Variants in CELF2 observed in about 807,000 individuals in gnomAD.
The protein encoded by CELF2 is CUG triplet repeat RNA-binding protein 2.
A neutral mutation model predicts 62.6 loss-of-function variants in CELF2; 8 were observed. The observed-to-expected ratio is 0.13, with a 90% CI of 0.07 to 0.23. CELF2 has a LOEUF of 0.23. CELF2 is among the 10% of genes least tolerant of loss of function. CELF2 has a pLI of 1.00. For missense variants in CELF2, 333 were observed against 671.0 expected (o/e 0.50, Z 5.56); for synonymous variants, 258 against 250.0 (o/e 1.03, Z -0.30).
chr10:10,798,451 G>GT (rs527814143), upstream of CELF2: 444 of 271,106 alleles, frequency 1.6e-3, 3 homozygotes, highest in South Asian at 2.0e-3. Flanking sequence ...GGAGGACGGT[G>GT]TTAATAAAGA....
intron 1 of CELF2, among the ~76,000 whole-genome samples, chr10:11,101,720 A>G (rs897271993): frequency 6.6e-6 from 1 of 152,180 alleles, no homozygotes; most frequent in African/African-American, 2.4e-5. Context: ...CACAACGGAA[A>G]CACTTGTAAC....
At chr10:11,150,783 A>G (rs530745069) in intron 1 of CELF2, among the ~76,000 whole-genome samples, 2 of 152,372 alleles carry the variant, frequency 1.3e-5, no homozygotes, top group South Asian at 2.1e-4. Flanking sequence ...CGTCTCTCCA[A>G]TGAGTTTATT....
At chr10:10,521,262 G>A in the CELF2 span, among the ~76,000 whole-genome samples, 6 of 152,228 alleles carry the variant, frequency 3.9e-5, no homozygotes, top group African/African-American at 1.4e-4. Flanking sequence ...ATCAACAAGG[G>A]TATGACATCC....
intron 2 of CELF2, among the ~76,000 whole-genome samples, chr10:11,204,820 G>A (rs895860167): frequency 1.9e-4 from 29 of 152,206 alleles, no homozygotes; most frequent in African/African-American, 5.3e-4. Context: ...AGGACATCAC[G>A]TCTTCTTGTG....
the CELF2 span, among the ~76,000 whole-genome samples, chr10:10,534,240 AAGAG>A: frequency 1.3e-5 from 2 of 151,784 alleles, no homozygotes; most frequent in Non-Finnish European, 2.9e-5. Flanking sequence ...GAAAAAGAAA[AAGAG>A]AGAGACAGAG....
chr10:11,017,932 G>T lies in CELF2; in HGVS notation c.-158G>T. On this transcript the variant is annotated 5_prime_UTR_variant, in exon 1 of 13. Transcript: ENST00000633077. This position sits in a 1 kb window ranked among gnomAD's most constrained non-coding sequence, Gnocchi z 5.5. ...CCGCCCCGGCGCTGGATTTCGGAGG[G>T]GATTGGCGGAGCGCGAGGAGAGAAT... 1 of 984,088 alleles carries T rather than the reference G, an allele frequency of 1.0e-6. No individual in the cohort carries two copies. The highest frequency in any genetic ancestry group is 4.7e-5 in the South Asian group (1 of 21,342). The allele number at this position is 984,088 out of a possible 1,614,324, so 61.0% of individuals were successfully genotyped here. A position where few individuals can be genotyped will look rare whatever the true frequency, so the allele number is the denominator to read the frequency against.
chr10:10,729,784 A>T, the CELF2 span, among the ~76,000 whole-genome samples: 1 of 152,128 alleles, frequency 6.6e-6, no homozygotes, highest in Non-Finnish European at 1.5e-5. Context: ...CTCAAAAAAA[A>T]AAAAGTTGGT....
intron 1 of CELF2, among the ~76,000 whole-genome samples, chr10:11,119,185 A>C (rs1279958569): frequency 2.0e-5 from 3 of 152,214 alleles, no homozygotes; most frequent in Admixed American, 2.0e-4. Context: ...GTCTGAAGGC[A>C]CATTTTTTTT....
the CELF2 span, among the ~76,000 whole-genome samples, chr10:10,564,786 C>T: frequency 7.2e-5 from 11 of 151,858 alleles, no homozygotes; most frequent in Non-Finnish European, 7.4e-5. Flanking sequence ...AAACAATCTG[C>T]CCTTCCTACC....
the CELF2 span, among the ~76,000 whole-genome samples, chr10:10,757,556 A>G: frequency 2.0e-5 from 3 of 152,238 alleles, no homozygotes; most frequent in African/African-American, 7.2e-5. Flanking sequence ...GTATGTATAC[A>G]ATCTAAAAGG....
intron 1 of CELF2, among the ~76,000 whole-genome samples, chr10:10,862,665 C>T (rs1409369554): frequency 6.6e-6 from 1 of 152,098 alleles, no homozygotes. Flanking sequence ...TGGGCCCTGC[C>T]CTTCAACAGG....
At chr10:11,069,000 T>C (rs1197472565) in intron 1 of CELF2, among the ~76,000 whole-genome samples, 1 of 152,186 alleles carries the variant, frequency 6.6e-6, no homozygotes, top group Non-Finnish European at 1.5e-5. Flanking sequence ...TCCTATTTCA[T>C]CATCTGAGGA....
chr10:11,289,933 A>G (rs2092238721), intron 9 of CELF2, among the ~76,000 whole-genome samples: 1 of 152,242 alleles, frequency 6.6e-6, no homozygotes, highest in East Asian at 1.9e-4. Context: ...TTCACAAATC[A>G]GATTAAAATG....
chr10:11,083,497 C>T (rs1439757553), intron 1 of CELF2, among the ~76,000 whole-genome samples: 1 of 152,144 alleles, frequency 6.6e-6, no homozygotes, highest in East Asian at 1.9e-4. Flanking sequence ...AAATAACCAG[C>T]CTATCAAGGA....
chr10:10,992,673 G>A (rs1373716394), intron 2 of CELF2, among the ~76,000 whole-genome samples: 4 of 152,178 alleles, frequency 2.6e-5, no homozygotes, highest in Admixed American at 2.6e-4. Flanking sequence ...AACAGAACTA[G>A]CAGGATCAAT....
the CELF2 span, among the ~76,000 whole-genome samples, chr10:10,698,856 A>G: frequency 2.6e-5 from 4 of 152,176 alleles, no homozygotes; most frequent in Non-Finnish European, 4.4e-5. Context: ...CACCATCTTA[A>G]TCATCACTCT....
At chr10:10,704,913 GCATGGTGGCT>G in the CELF2 span, among the ~76,000 whole-genome samples, 1 of 150,034 alleles carries the variant, frequency 6.7e-6, no homozygotes, top group Non-Finnish European at 1.5e-5. Context: ...TTTTTTCTGG[GCATGGTGGCT>G]CATGCCTGTA....
intron 1 of CELF2, among the ~76,000 whole-genome samples, chr10:10,885,843 C>T (rs1043710553): frequency 2.0e-5 from 3 of 152,182 alleles, no homozygotes; most frequent in Admixed American, 1.3e-4. Context: ...CTGACCTCTG[C>T]TTCCCATCTC....
chr10:11,106,496 C>G (rs1223596025), intron 1 of CELF2, among the ~76,000 whole-genome samples: 1 of 152,206 alleles, frequency 6.6e-6, no homozygotes, highest in Non-Finnish European at 1.5e-5. Context: ...CTCAGCCTCC[C>G]AAAGGGCTGG....
Sources: allele counts gnomAD v4.1 joint callset (sites outside exome capture counted in the v4.1 genomes callset), GRCh38; gene constraint gnomAD v4.1.1; non-coding constraint Gnocchi (gnomAD v3.1); transcripts MANE v1.5; gene names NCBI Gene and HGNC (gene_info 2026-07-23, HGNC 2026-07-21).